The following GPR176 variants were observed in gnomAD, a reference collection of about 807,000 sequenced individuals.
GPR176 encodes G protein-coupled receptor 176.
Under a neutral mutation model 35.4 loss-of-function variants are expected in GPR176, and 26 were observed. That is an observed-to-expected ratio of 0.74 (90% CI 0.54 to 1.02). GPR176 has a LOEUF of 1.02. Among genes scored for constraint, GPR176 ranks in the 50% least tolerant of loss-of-function variants. The probability of loss-of-function intolerance (pLI) is 0.00; values close to 1 mark genes in which losing one functional copy is unlikely to be tolerated. For missense variants in GPR176, 597 were observed against 665.3 expected (o/e 0.90, Z 1.13); for synonymous variants, 278 against 271.3 (o/e 1.02, Z -0.24).
intron 2 of GPR176, 93 bp from the exon 3 acceptor site, chr15:39,802,347 G>A: frequency 9.9e-7 from 1 of 1,006,620 alleles, no homozygotes; most frequent in Non-Finnish European, 1.4e-6. Context: ...GGGAAGAAAG[G>A]TCAAGTTCTT....
intron 1 of GPR176, among the ~76,000 whole-genome samples, chr15:39,915,679 A>G (rs1215791177): frequency 6.6e-6 from 1 of 152,154 alleles, no homozygotes; most frequent in African/African-American, 2.4e-5. Context: ...GTTCAAGACC[A>G]TCCTGGCCAA....
At position 39,846,900 on chromosome 15, in the gene GPR176, C is replaced by A. The variant is rs74008972; in HGVS notation, c.173-39642G>T. Among the ~76,000 whole-genome samples, 681 of 152,086 alleles carry A rather than the reference C, an allele frequency of 4.5e-3. 3 individuals are homozygous for A. The highest frequency in any genetic ancestry group is 0.017 in the Middle Eastern group (5 of 294). On this transcript the variant is annotated intron_variant, in intron 1 of 2. Coordinates refer to ENST00000561100, the MANE Select transcript of GPR176 (RefSeq NM_007223.3). The stretch of plus-strand genomic sequence containing the variant: ...TATCAGAAAATATAATTTTTTTCCT[C>A]AAGTTTTCTAAATTATGTTTAATAA...
chr15:39,848,977 G>C (rs1156446542), intron 1 of GPR176, among the ~76,000 whole-genome samples: 2 of 145,126 alleles, frequency 1.4e-5, no homozygotes, highest in African/African-American at 5.0e-5. Context: ...ATAAAGAGTA[G>C]AAATCAAGGA....
At chr15:39,815,388 G>T (rs1036356956) in intron 1 of GPR176, 1 of 152,280 alleles carries the variant, frequency 6.6e-6, no homozygotes, top group Non-Finnish European at 1.5e-5. Context: ...GTCTCATGTG[G>T]TCAGAACGGG....
intron 1 of GPR176, among the ~76,000 whole-genome samples, chr15:39,849,998 T>C (rs2030741226): frequency 1.3e-5 from 2 of 152,092 alleles, no homozygotes; most frequent in African/African-American, 4.8e-5. Flanking sequence ...ATTGTAAATA[T>C]TTGCATGTCT....
At chr15:39,841,696 A>G (rs2030003465) in intron 1 of GPR176, among the ~76,000 whole-genome samples, 1 of 152,142 alleles carries the variant, frequency 6.6e-6, no homozygotes, top group South Asian at 2.1e-4. Context: ...TCGCCTACAG[A>G]ACTGTGAGAT....
chr15:39,832,394 T>C (rs745776181), intron 1 of GPR176, among the ~76,000 whole-genome samples: 14 of 152,098 alleles, frequency 9.2e-5, no homozygotes, highest in Non-Finnish European at 1.8e-4. Context: ...TACCGCAAAC[T>C]TGCTGATTAA....
intron 1 of GPR176, among the ~76,000 whole-genome samples, chr15:39,809,936 G>A (rs1233679443): frequency 2.6e-5 from 4 of 152,098 alleles, no homozygotes; most frequent in Non-Finnish European, 5.9e-5. Flanking sequence ...ACGAGGTCAG[G>A]AGATCGAGAC....
chr15:39,799,036 T>C lies in GPR176; in HGVS notation c.*2096A>G, dbSNP rs900670207. On this transcript the variant is annotated 3_prime_UTR_variant, in exon 3 of 3. Coordinates refer to ENST00000561100, the MANE Select transcript of GPR176 (RefSeq NM_007223.3). ...AGTTCAGAAACTGCTTTTCAATTTTTTATTAAAATGTTATTCTTCAAAGAG... is the reference window on the plus strand; with the variant it reads ...AGTTCAGAAACTGCTTTTCAATTTTCTATTAAAATGTTATTCTTCAAAGAG... 10 of 152,222 alleles carry C rather than the reference T, an allele frequency of 6.6e-5. No individual in the cohort carries two copies. The highest frequency in any genetic ancestry group is 2.4e-4 in the African/African-American group (10 of 41,444). The allele number at this position is 152,222 out of a possible 1,614,324, so 9.4% of individuals were successfully genotyped here. A position where few individuals can be genotyped will look rare whatever the true frequency, so the allele number is the denominator to read the frequency against.
At chr15:39,844,634 A>G (rs2030281623) in intron 1 of GPR176, among the ~76,000 whole-genome samples, 2 of 151,990 alleles carry the variant, frequency 1.3e-5, no homozygotes, top group African/African-American at 4.8e-5. Flanking sequence ...GCAAGAACCT[A>G]TAGGCTACAT....
intron 1 of GPR176, among the ~76,000 whole-genome samples, chr15:39,897,684 G>C (rs1186480797): frequency 7.2e-6 from 1 of 139,654 alleles, no homozygotes; most frequent in African/African-American, 2.7e-5. Flanking sequence ...CGCAATCTCG[G>C]CTCACTGCAA....
intron 1 of GPR176, 37 bp downstream of exon 1, chr15:39,919,818 G>A: frequency 7.3e-7 from 1 of 1,364,432 alleles, no homozygotes; most frequent in Non-Finnish European, 9.5e-7. Flanking sequence ...GTACCCTCGG[G>A]GAGGCCCGGT....
At chr15:39,901,002 G>A (rs1319210418) in intron 1 of GPR176, among the ~76,000 whole-genome samples, 5 of 152,134 alleles carry the variant, frequency 3.3e-5, no homozygotes, top group African/African-American at 9.7e-5. Flanking sequence ...AATGGGAAGC[G>A]GTCACCTAAC....
intron 1 of GPR176, among the ~76,000 whole-genome samples, chr15:39,872,909 ATCTGTG>A (rs1373171081): frequency 2.2e-5 from 3 of 136,254 alleles, no homozygotes; most frequent in Non-Finnish European, 4.7e-5. Context: ...TATCCAAAAT[ATCTGTG>A]TGTGTGTGTG....
chr15:39,885,662 A>G (rs2032646964), intron 1 of GPR176, among the ~76,000 whole-genome samples: 1 of 152,192 alleles, frequency 6.6e-6, no homozygotes, highest in South Asian at 2.1e-4. Flanking sequence ...GTAATCACAC[A>G]ATGTCCTTTT....
chr15:39,832,758 G>T (rs915481252), intron 1 of GPR176, among the ~76,000 whole-genome samples: 2 of 151,980 alleles, frequency 1.3e-5, no homozygotes, highest in Non-Finnish European at 2.9e-5. Flanking sequence ...CCTTGGCTAC[G>T]TGCAGCTCAG....
At chr15:39,855,117 T>G (rs562741907) in intron 1 of GPR176, among the ~76,000 whole-genome samples, 2 of 152,176 alleles carry the variant, frequency 1.3e-5, no homozygotes, top group South Asian at 4.2e-4. Flanking sequence ...AAGGGTCTTA[T>G]TATGCCAACT....
intron 1 of GPR176, among the ~76,000 whole-genome samples, chr15:39,876,133 C>T (rs1031457168): frequency 2.6e-5 from 4 of 151,534 alleles, no homozygotes; most frequent in African/African-American, 9.7e-5. Context: ...CCTGGGTGAT[C>T]CAGCCTGGGT....
intron 1 of GPR176, among the ~76,000 whole-genome samples, chr15:39,871,264 C>G (rs566422248): frequency 6.6e-6 from 1 of 152,064 alleles, no homozygotes; most frequent in Admixed American, 6.6e-5. Flanking sequence ...CCTCAACAAG[C>G]CAGTGGCCCA....
Sources: gnomAD v4.1 joint callset for allele counts (sites outside exome capture counted in the v4.1 genomes callset) on GRCh38, gnomAD v4.1.1 for gene constraint, MANE v1.5 for transcripts, NCBI Gene and HGNC (gene_info 2026-07-23, HGNC 2026-07-21) for gene names.